JPT1: variants seen among roughly 807,000 people sequenced by gnomAD.
The protein encoded by JPT1 is androgen-regulated protein 2.
In JPT1, 5 loss-of-function variants were observed where a neutral mutation model predicts 17.0. The ratio of observed to expected loss-of-function variants is 0.29; its 90% confidence interval spans 0.15 to 0.62. The LOEUF is 0.62. Among genes scored for constraint, JPT1 ranks in the 20% least tolerant of loss-of-function variants. The probability of loss-of-function intolerance (pLI) is 0.85; values close to 1 mark genes in which losing one functional copy is unlikely to be tolerated. For missense variants in JPT1, 158 were observed against 188.1 expected, an observed-to-expected ratio of 0.84 and a Z score of 0.94; for synonymous variants, 71 against 73.6, an observed-to-expected ratio of 0.96 and a Z score of 0.18.
chr17:75,154,493 C>G lies in JPT1; in HGVS notation c.-96G>C, dbSNP rs891906967. The G allele has an allele frequency of 8.4e-7, 1 of 1,184,714 alleles. No individual in the cohort carries two copies. The highest frequency in any genetic ancestry group is 2.8e-5 in the East Asian group (1 of 35,130). The allele number at this position is 1,184,714 out of a possible 1,614,324, so 73.4% of individuals were successfully genotyped here. The stretch of plus-strand genomic sequence containing the variant: ...AAACTCCACACCCAACAGCCGACCA[C>G]CGCTGCAGGAGCCGCCGCTGCCGCC... On this transcript the variant is annotated 5_prime_UTR_variant, in exon 1 of 5. Coordinates refer to ENST00000409753, the MANE Select transcript of JPT1 (RefSeq NM_016185.4).
intron 4 of JPT1, among the ~76,000 whole-genome samples, chr17:75,144,686 T>G (rs1292104095): frequency 3.3e-5 from 5 of 151,828 alleles, no homozygotes; most frequent in Non-Finnish European, 2.9e-5. Context: ...GACTTACAAC[T>G]GGTGGGAAGG....
intron 1 of JPT1, 82 bp from the exon 2 acceptor site, chr17:75,148,753 A>C: frequency 6.7e-7 from 1 of 1,500,364 alleles, no homozygotes; most frequent in Non-Finnish European, 9.1e-7. Context: ...CTTTCATTTC[A>C]CTTTCCTCAC....
chr17:75,137,090 C>T (rs1330345673), intron 4 of JPT1, among the ~76,000 whole-genome samples: 5 of 152,294 alleles, frequency 3.3e-5, no homozygotes, highest in Admixed American at 2.0e-4. Flanking sequence ...CCTCACCTCA[C>T]TGTCAAGCTT....
Position 75,135,879 on chromosome 17 carries a change from C to G in JPT1, c.*223G>C. 1 of 881,288 alleles carries G rather than the reference C, an allele frequency of 1.1e-6. No individual in the cohort carries two copies. Among genetic ancestry groups the G allele is most frequent in the South Asian group, 1.8e-5 (1 of 56,184 alleles). The allele number at this position is 881,288 out of a possible 1,614,324, so 54.6% of individuals were successfully genotyped here. A position where few individuals can be genotyped will look rare whatever the true frequency, so the allele number is the denominator to read the frequency against. ...ACAGTACTAAGTGTCACAAAGCTTT[C>G]CCTCCAATCTACTACTAGAAAACAC... On this transcript the variant is annotated 3_prime_UTR_variant, in exon 5 of 5. Transcript: ENST00000409753.
chr17:75,136,770 G>A lies in JPT1; in HGVS notation c.317-520C>T, dbSNP rs150878077. 7.9e-4 allele frequency among the ~76,000 whole-genome samples: 120 copies of A among 152,210 alleles called. 2 individuals are homozygous for A. Among genetic ancestry groups the A allele is most frequent in the African/African-American group, 8.4e-4 (35 of 41,542 alleles). On this transcript the variant is annotated intron_variant, in intron 4 of 4. Coordinates refer to ENST00000409753, the MANE Select transcript of JPT1 (RefSeq NM_016185.4). ...CTCCCAAAGTGCTGGGATTACAGGC[G>A]TGAGCCACCGCGCCTGGCCCAAGGA...
intron 1 of JPT1, among the ~76,000 whole-genome samples, chr17:75,150,763 A>G (rs2074533438): frequency 6.7e-6 from 1 of 150,202 alleles, no homozygotes; most frequent in African/African-American, 2.5e-5. Flanking sequence ...CTTTCTAACT[A>G]CTGATTCAAT....
chr17:75,148,446 C>T (rs1035246649), intron 2 of JPT1, 83 bp downstream of exon 2: 2 of 1,513,952 alleles, frequency 1.3e-6, no homozygotes, highest in African/African-American at 1.4e-5. Context: ...GACACGGGGG[C>T]ACATGCTGGT....
At chr17:75,137,537 T>TG (rs1186025883) in intron 4 of JPT1, among the ~76,000 whole-genome samples, 1 of 151,472 alleles carries the variant, frequency 6.6e-6, no homozygotes, top group Non-Finnish European at 1.5e-5. Flanking sequence ...TGTTTTTTTT[T>TG]TTTTTTTATT....
chr17:75,140,477 A>G (rs964834411), intron 4 of JPT1, among the ~76,000 whole-genome samples: 5 of 152,160 alleles, frequency 3.3e-5, no homozygotes, highest in African/African-American at 4.8e-5. Flanking sequence ...GCAGTCAGGG[A>G]GACTTCTCTG....
rs575141306 is a variant in JPT1, at chr17:75,142,118, T to C, written c.316+4548A>G. On this transcript the variant is annotated intron_variant, in intron 4 of 4. Transcript: ENST00000409753. Reference sequence around the variant, plus strand: ...ACTGAAAAGGGAACAGAATTATTAATTATGTGGTAGGACTATTGACACATT... The same window carrying C: ...ACTGAAAAGGGAACAGAATTATTAACTATGTGGTAGGACTATTGACACATT... Among the ~76,000 whole-genome samples, 9 of 152,232 alleles carry C rather than the reference T, an allele frequency of 5.9e-5. No homozygotes were observed. The South Asian group carries it at 1.5e-3, about 25-fold the overall frequency.
chr17:75,136,551 G>A (rs531287043), intron 4 of JPT1, among the ~76,000 whole-genome samples: 1 of 152,170 alleles, frequency 6.6e-6, no homozygotes, highest in African/African-American at 2.4e-5. Context: ...GAGTGCAATG[G>A]TGCAGTCTTG....
chr17:75,142,681 G>A (rs1263118711), intron 4 of JPT1: 2 of 391,054 alleles, frequency 5.1e-6, no homozygotes, highest in African/African-American at 5.6e-5. Context: ...GGAACGGGAA[G>A]GGATGAGAAG....
rs1044771288 is a variant in JPT1, at chr17:75,154,287, C to G, written c.56+55G>C. 5 of 1,386,072 alleles carry G rather than the reference C, an allele frequency of 3.6e-6. No homozygotes were observed. The African/African-American group carries it at 6.1e-5, about 17-fold the overall frequency. The allele number at this position is 1,386,072 out of a possible 1,614,324, so 85.9% of individuals were successfully genotyped here. On this transcript the variant is annotated intron_variant, in intron 1 of 4. Coordinates refer to ENST00000409753, the MANE Select transcript of JPT1 (RefSeq NM_016185.4). ...GACCGGCGCGAGGCCCCGCCGGCAG[C>G]GGCCCTCCCAGCCCCTCAGCCCCGC...
chr17:75,146,780 C>T, intron 3 of JPT1, 96 bp from the exon 4 acceptor site: 2 of 751,392 alleles, frequency 2.7e-6, no homozygotes, highest in South Asian at 3.2e-5. Flanking sequence ...TACTTGAAAC[C>T]GAATGTGACA....
chr17:75,151,473 T>C (rs1406956108), intron 1 of JPT1, among the ~76,000 whole-genome samples: 1 of 151,618 alleles, frequency 6.6e-6, no homozygotes, highest in Non-Finnish European at 1.5e-5. Flanking sequence ...CTGGCCAACA[T>C]GGTGAAACTG....
chr17:75,147,625 G>C lies in JPT1; in HGVS notation c.228C>G (p.Asp76Glu). The C allele has an allele frequency of 6.2e-7, 1 of 1,613,880 alleles. No individual in the cohort carries two copies. Among genetic ancestry groups the C allele is most frequent in the Non-Finnish European group, 8.5e-7 (1 of 1,179,810 alleles). The stretch of plus-strand genomic sequence containing the variant: ...TTCTCTGCAGTCCAGATGACTCCAA[G>C]TCTTCCCTGCCACCACTAGACTTGG... ...AGAKSSGGRE[D>E]LESSGLQRRN... is the part of the protein sequence containing the mutation. The change falls in exon 3 of 5, where the codon GAC becomes GAG. Residue 76 changes from aspartate (D) to glutamate (E), a missense_variant. Coordinates refer to ENST00000409753, the MANE Select transcript of JPT1 (RefSeq NM_016185.4).
intron 1 of JPT1, chr17:75,148,946 T>A: frequency 8.8e-7 from 1 of 1,132,506 alleles, no homozygotes; most frequent in South Asian, 1.6e-5. Flanking sequence ...AATAACAGCC[T>A]GGTTGGTGTC....
chr17:75,148,517 TAAC>T lies in JPT1; in HGVS notation c.199+9_199+11del. The T allele has an allele frequency of 1.9e-6, 3 of 1,614,042 alleles. No homozygotes were observed. The highest frequency in any genetic ancestry group is 2.5e-6 in the Non-Finnish European group (3 of 1,179,996). ...CATCCCTTTGAACAGTGAGCACAGA[TAAC>T]AAGAGTACCTGCTGACTTGGCCCAA... On this transcript the variant is annotated intron_variant, in intron 2 of 4. Coordinates refer to ENST00000409753, the MANE Select transcript of JPT1 (RefSeq NM_016185.4).
intron 4 of JPT1, 166 bp from the exon 5 acceptor site, chr17:75,136,416 C>G (rs2074198929): frequency 1.7e-6 from 1 of 583,624 alleles, no homozygotes; most frequent in Non-Finnish European, 2.9e-6. Context: ...CAGAATTAAC[C>G]ATTGTTCATC....
Sources: gnomAD v4.1 joint callset for allele counts (sites outside exome capture counted in the v4.1 genomes callset) on GRCh38, gnomAD v4.1.1 for gene constraint, MANE v1.5 for transcripts, NCBI Gene and HGNC (gene_info 2026-07-23, HGNC 2026-07-21) for gene names.